UBAP1: variants seen among roughly 807,000 people sequenced by gnomAD.
UBAP1 encodes the protein ubiquitin-associated protein 1.
UBAP1 carries 5 observed loss-of-function variants against 39.0 expected under a neutral mutation model. The ratio of observed to expected loss-of-function variants is 0.13; its 90% CI spans 0.07 to 0.27. UBAP1 has a LOEUF of 0.27. Ranked by LOEUF, UBAP1 falls within the 10% of genes least tolerant of loss-of-function variation. The pLI is 1.00. For synonymous variants in UBAP1, 211 were observed against 225.1 expected, an observed-to-expected ratio of 0.94 and a Z score of 0.56; for missense variants, 490 against 608.1, an observed-to-expected ratio of 0.81 and a Z score of 2.04.
At chr9:34,226,997 A>G (rs1199489027) in intron 2 of UBAP1, among the ~76,000 whole-genome samples, 1 of 152,036 alleles carries the variant, frequency 6.6e-6, no homozygotes, top group Admixed American at 6.6e-5. Flanking sequence ...GTTATTTTAA[A>G]GCTCCCTGTC....
intron 1 of UBAP1, among the ~76,000 whole-genome samples, chr9:34,194,129 G>C (rs1353094961): frequency 6.6e-6 from 1 of 152,114 alleles, no homozygotes; most frequent in Admixed American, 6.6e-5. Flanking sequence ...TATACAATTA[G>C]AATACCGAGT....
At chr9:34,222,439 A>G (rs1284114716) in intron 2 of UBAP1, among the ~76,000 whole-genome samples, 1 of 152,152 alleles carries the variant, frequency 6.6e-6, no homozygotes, top group African/African-American at 2.4e-5. Flanking sequence ...CAGGTGAGCT[A>G]TTTCCTATTA....
At chr9:34,220,570 C>T (rs1015016257) in intron 1 of UBAP1, 25 of 198,892 alleles carry the variant, frequency 1.3e-4, no homozygotes, top group Non-Finnish European at 2.0e-4. Context: ...AAGTGATCCT[C>T]CCAGCTCGGC....
intron 2 of UBAP1, among the ~76,000 whole-genome samples, chr9:34,226,121 G>GTGTGTGTGTGTGTT (rs1432162617): frequency 1.5e-4 from 15 of 98,408 alleles, no homozygotes; most frequent in African/African-American, 3.9e-4. Flanking sequence ...GTGTGTGTGT[G>GTGTGTGTGTGTGTT]TGTGTGTGTG....
intron 5 of UBAP1, 50 bp downstream of exon 5, chr9:34,250,011 G>A: frequency 3.1e-6 from 5 of 1,594,054 alleles, no homozygotes; most frequent in Non-Finnish European, 4.3e-6. Context: ...TGGAGCTGGA[G>A]TAGTGTCCTC....
Position 34,202,679 on chromosome 9 carries a change from C to A in UBAP1, c.-7-18229C>A, listed in dbSNP as rs544965477. On this transcript the variant is annotated intron_variant, in intron 1 of 6. Transcript: ENST00000297661. Reference sequence around the variant, plus strand: ...TGTGTGTGTGTGTGTGTGTGTGTGTCCCCGTCCCCGTATATGTATGTATCA... The same window carrying A: ...TGTGTGTGTGTGTGTGTGTGTGTGTACCCGTCCCCGTATATGTATGTATCA... Among the ~76,000 whole-genome samples the A allele has an allele frequency of 3.7e-3, 237 of 64,434 alleles. 2 individuals carry two copies. Among genetic ancestry groups the A allele is most frequent in the Non-Finnish European group, 5.4e-3 (194 of 35,780 alleles). 42.3% of individuals were successfully genotyped at this position (64,434 alleles called of 152,430 possible). A position where few individuals can be genotyped will look rare whatever the true frequency, so the allele number is the denominator to read the frequency against.
At chr9:34,242,174 G>A (rs967711780) in intron 4 of UBAP1, 66 bp downstream of exon 4, 1 of 1,474,666 alleles carries the variant, frequency 6.8e-7, no homozygotes, top group South Asian at 1.3e-5. Context: ...GTTTTTTCTT[G>A]TTGTTTGGTT....
chr9:34,211,120 A>C (rs1322063855), intron 1 of UBAP1, among the ~76,000 whole-genome samples: 1 of 135,954 alleles, frequency 7.4e-6, no homozygotes, highest in Non-Finnish European at 1.6e-5. Flanking sequence ...ATTTGGAAAC[A>C]TGAATATTTT....
chr9:34,247,211 G>T (rs1834223621), intron 4 of UBAP1, among the ~76,000 whole-genome samples: 1 of 152,020 alleles, frequency 6.6e-6, no homozygotes, highest in Admixed American at 6.6e-5. Flanking sequence ...CTGTCCGTTT[G>T]GGGTCTGCTG....
intron 1 of UBAP1, among the ~76,000 whole-genome samples, chr9:34,190,899 C>T (rs1195475055): frequency 6.6e-5 from 10 of 151,096 alleles, no homozygotes; most frequent in Admixed American, 6.6e-5. Context: ...CCACCTGCCT[C>T]GGCCTCCCAA....
chr9:34,192,145 G>A (rs1056413290), intron 1 of UBAP1, among the ~76,000 whole-genome samples: 1 of 151,492 alleles, frequency 6.6e-6, no homozygotes, highest in Non-Finnish European at 1.5e-5. Context: ...TCCCCGGCCT[G>A]TATAAACTTT....
At chr9:34,200,553 A>G (rs1831310673) in intron 1 of UBAP1, among the ~76,000 whole-genome samples, 1 of 152,228 alleles carries the variant, frequency 6.6e-6, no homozygotes, top group Non-Finnish European at 1.5e-5. Flanking sequence ...TTTGCTAAAC[A>G]GAATTTGTAG....
chr9:34,211,647 C>T (rs558696737), intron 1 of UBAP1, among the ~76,000 whole-genome samples: 100 of 152,192 alleles, frequency 6.6e-4, no homozygotes, highest in African/African-American at 2.1e-3. Context: ...CCTGGTCCTT[C>T]GCAAGGTGTT....
chr9:34,222,088 C>CA (rs1384953729), intron 2 of UBAP1, among the ~76,000 whole-genome samples: 5 of 152,250 alleles, frequency 3.3e-5, no homozygotes, highest in Middle Eastern at 6.8e-3. Flanking sequence ...TGCCACTGCA[C>CA]TCCAGCCTGG....
chr9:34,180,795 C>CTTTTTTTTTTTTTTTTTTTTTTTT (rs11285458), intron 1 of UBAP1, among the ~76,000 whole-genome samples: 1 of 144,248 alleles, frequency 6.9e-6, no homozygotes. Flanking sequence ...GGAAAAAAAA[C>CTTTTTTTTTTTTTTTTTTTTTTTT]TTTTTTTTTT....
rs567481827 is a variant in UBAP1, at chr9:34,218,945, T to C, written c.-7-1963T>C. On this transcript the variant is annotated intron_variant, in intron 1 of 6. Coordinates refer to ENST00000297661, the MANE Select transcript of UBAP1 (RefSeq NM_016525.5). ...GATGCCTGTGAATGTTTTCTGCACA[T>C]ATAAAAAGGTTAAATCATTTTCAGT... 1.7e-3 allele frequency among the ~76,000 whole-genome samples: 257 copies of C among 152,040 alleles called. 1 individual carries two copies. Among genetic ancestry groups the C allele is most frequent in the African/African-American group, 5.9e-3 (243 of 41,512 alleles).
chr9:34,231,801 G>A (rs1356796376), intron 2 of UBAP1, among the ~76,000 whole-genome samples: 2 of 148,960 alleles, frequency 1.3e-5, no homozygotes, highest in African/African-American at 2.5e-5. Flanking sequence ...CCCCCACTGC[G>A]CCCGGCTCAT....
In UBAP1 at chr9:34,179,176, G is replaced by T; in HGVS notation, c.-72G>T. The T allele has an allele frequency of 8.1e-7, 1 of 1,237,954 alleles. No homozygotes were observed. The highest frequency in any genetic ancestry group is 1.0e-6 in the Non-Finnish European group (1 of 989,484). 76.7% of individuals were successfully genotyped at this position (1,237,954 alleles called of 1,614,324 possible). On this transcript the variant is annotated 5_prime_UTR_variant, in exon 1 of 7. Coordinates refer to ENST00000297661, the MANE Select transcript of UBAP1 (RefSeq NM_016525.5). ...CTGTCGGGAGCTCAGCGGGGACCGA[G>T]CCTGGGAGGCCGGCCGGTGCCAGCA...
At chr9:34,232,378 A>G (rs1833469418) in intron 2 of UBAP1, among the ~76,000 whole-genome samples, 1 of 152,254 alleles carries the variant, frequency 6.6e-6, no homozygotes, top group Non-Finnish European at 1.5e-5. Flanking sequence ...CCATGAAATT[A>G]GCACATCTAA....
Sources: gnomAD v4.1 joint callset for allele counts (sites outside exome capture counted in the v4.1 genomes callset) on GRCh38, gnomAD v4.1.1 for gene constraint, MANE v1.5 for transcripts, NCBI Gene and HGNC (gene_info 2026-07-23, HGNC 2026-07-21) for gene names.